SPATA13: variants seen among roughly 807,000 people sequenced by gnomAD.
SPATA13 encodes the protein spermatogenesis associated 13.
A neutral mutation model predicts 104.0 loss-of-function variants in SPATA13; 50 were observed. The ratio of observed to expected loss-of-function variants is 0.48; its 90% CI spans 0.38 to 0.61. SPATA13 has a LOEUF of 0.61. Among genes scored for constraint, SPATA13 ranks in the 20% least tolerant of loss-of-function variants. The pLI is 0.00. For synonymous variants in SPATA13, 606 were observed against 667.5 expected (o/e 0.91, Z 1.42); for missense variants, 1,524 against 1,690.6 (o/e 0.90, Z 1.73).
intron 3 of SPATA13, among the ~76,000 whole-genome samples, chr13:24,061,056 G>A (rs1243918371): frequency 6.6e-6 from 1 of 152,068 alleles, no homozygotes; most frequent in Non-Finnish European, 1.5e-5. Context: ...CCAAAAAGTG[G>A]GCAAATGACA....
chr13:23,984,108 A>G (rs1174385789), intron 2 of SPATA13, among the ~76,000 whole-genome samples: 2 of 152,260 alleles, frequency 1.3e-5, no homozygotes, highest in African/African-American at 2.4e-5. Flanking sequence ...AAGAACTCCA[A>G]TTGTTAAAAT....
intron 3 of SPATA13, among the ~76,000 whole-genome samples, chr13:24,250,197 TTAAAATGTAAAGA>T (rs1176712806): frequency 2.0e-5 from 3 of 152,214 alleles, no homozygotes; most frequent in Non-Finnish European, 2.9e-5. Flanking sequence ...TTGTTCATTG[TTAAAATGTAAAGA>T]TAAAATGTAA....
chr13:24,010,099 C>G (rs1325599255), intron 2 of SPATA13, among the ~76,000 whole-genome samples: 2 of 152,088 alleles, frequency 1.3e-5, no homozygotes, highest in Non-Finnish European at 2.9e-5. Context: ...TGGGACCACT[C>G]GAAGTGGGGA....
At chr13:24,278,792 A>G in intron 4 of SPATA13, 1 of 1,597,888 alleles carries the variant, frequency 6.3e-7, no homozygotes, top group Non-Finnish European at 8.5e-7. Flanking sequence ...TATAGAAAAG[A>G]AAAAAAATGT....
At chr13:24,103,806 T>C (rs975639875) in intron 3 of SPATA13, among the ~76,000 whole-genome samples, 14 of 152,146 alleles carry the variant, frequency 9.2e-5, no homozygotes, top group Non-Finnish European at 1.3e-4. Context: ...CTCAAGCATC[T>C]ACATCCCTTT....
rs186104076 is a variant in SPATA13 at position 24,095,732 on chromosome 13, C to G, written c.-112+78031C>G. ...CTTGCAATCTACCCTCGTTTCCCTA[C>G]AAATTTGGTTCCCTGGGTTAACTTT... On this transcript the variant is annotated intron_variant, in intron 3 of 14. Transcript: ENST00000424834. 5.1e-4 allele frequency among the ~76,000 whole-genome samples: 77 copies of G among 152,296 alleles called. 1 individual carries two copies. Among genetic ancestry groups the G allele is most frequent in the African/African-American group, 1.8e-3 (76 of 41,562 alleles).
intron 4 of SPATA13, among the ~76,000 whole-genome samples, chr13:24,274,080 TG>T: frequency 6.6e-6 from 1 of 152,254 alleles, no homozygotes; most frequent in East Asian, 1.9e-4. Context: ...CGTGGACGGA[TG>T]GAAGGATTTT....
intron 2 of SPATA13, among the ~76,000 whole-genome samples, chr13:24,230,919 G>A (rs1014423149): frequency 1.3e-5 from 2 of 152,168 alleles, no homozygotes; most frequent in African/African-American, 4.8e-5. Context: ...TTCCGTGGCT[G>A]GGGTTGATCA....
intron 1 of SPATA13, among the ~76,000 whole-genome samples, chr13:24,173,821 A>G (rs1426844720): frequency 3.3e-5 from 5 of 152,230 alleles, no homozygotes; most frequent in Non-Finnish European, 7.3e-5. Flanking sequence ...AAATGGAATG[A>G]AGCCCATTTG....
chr13:24,113,597 C>G (rs747357601), intron 3 of SPATA13, among the ~76,000 whole-genome samples: 13 of 150,910 alleles, frequency 8.6e-5, no homozygotes, highest in Admixed American at 8.6e-4. Context: ...TAAGGCTGGG[C>G]GAGGTGGCTT....
At chr13:24,163,904 G>A (rs1185441831) in intron 1 of SPATA13, among the ~76,000 whole-genome samples, 1 of 152,138 alleles carries the variant, frequency 6.6e-6, no homozygotes, top group Non-Finnish European at 1.5e-5. Flanking sequence ...ACTTAGAAGG[G>A]GAACTCATCA....
chr13:23,987,408 T>G (rs4769299), intron 2 of SPATA13, among the ~76,000 whole-genome samples: 21,631 of 152,202 alleles, frequency 0.14, 1,909 homozygotes, highest in Admixed American at 0.26. Flanking sequence ...TGGAGTTATA[T>G]TCTTTGGAGA....
At chr13:24,026,437 T>C (rs1877218750) in intron 3 of SPATA13, among the ~76,000 whole-genome samples, 1 of 152,160 alleles carries the variant, frequency 6.6e-6, no homozygotes, top group Admixed American at 6.5e-5. Flanking sequence ...GTATTAATTA[T>C]TTACTAGCCT....
intron 3 of SPATA13, among the ~76,000 whole-genome samples, chr13:24,027,449 T>TC (rs1398385761): frequency 6.6e-6 from 1 of 152,184 alleles, no homozygotes; most frequent in Non-Finnish European, 1.5e-5. Flanking sequence ...TCTTTTTTTT[T>TC]CAAACTTGCC....
chr13:24,173,370 G>A (rs900986767), intron 1 of SPATA13, among the ~76,000 whole-genome samples: 3 of 59,166 alleles, frequency 5.1e-5, no homozygotes, highest in Non-Finnish European at 1.8e-4. Flanking sequence ...AGTTGTGTGT[G>A]TGTGTGTGTG....
chr13:24,295,802 C>T (rs1876738640), intron 10 of SPATA13, among the ~76,000 whole-genome samples: 1 of 152,282 alleles, frequency 6.6e-6, no homozygotes, highest in South Asian at 2.1e-4. Context: ...ATTTAATCCT[C>T]TACACCATCC....
chr13:24,005,862 C>A (rs952682069), intron 2 of SPATA13, among the ~76,000 whole-genome samples: 3 of 152,208 alleles, frequency 2.0e-5, no homozygotes, highest in African/African-American at 7.2e-5. Context: ...GCATAGCTGA[C>A]ATTTTTTTCC....
intron 3 of SPATA13, among the ~76,000 whole-genome samples, chr13:24,027,119 A>C (rs146525003): frequency 8.5e-6 from 1 of 117,584 alleles, no homozygotes; most frequent in Admixed American, 8.4e-5. Context: ...TGTTCCTGAT[A>C]TTTTTTGTTT....
intron 3 of SPATA13, among the ~76,000 whole-genome samples, chr13:24,110,432 A>T (rs925991999): frequency 6.6e-6 from 1 of 152,174 alleles, no homozygotes; most frequent in Non-Finnish European, 1.5e-5. Context: ...GACTCACTTA[A>T]TATTGTAATA....
Sources: gnomAD v4.1 joint callset for allele counts (sites outside exome capture counted in the v4.1 genomes callset) on GRCh38, gnomAD v4.1.1 for gene constraint, MANE v1.5 for transcripts, NCBI Gene and HGNC (gene_info 2026-07-23, HGNC 2026-07-21) for gene names.